Variants in GOLGA1 observed in about 807,000 individuals in gnomAD.
GOLGA1 encodes golgin A1, also known as golgin subfamily A member 1.
Under a neutral mutation model 119.7 loss-of-function variants are expected in GOLGA1, and 63 were observed. That is an observed-to-expected ratio of 0.53 (90% CI 0.43 to 0.65). The LOEUF is 0.65. Among genes scored for constraint, GOLGA1 ranks in the 30% least tolerant of loss-of-function variants. The pLI, the probability that GOLGA1 is intolerant of heterozygous loss-of-function variation, is 0.00. For missense variants in GOLGA1, 798 were observed against 912.8 expected (o/e 0.87, Z 1.62); for synonymous variants, 318 against 333.4 (o/e 0.95, Z 0.50).
Position 124,888,192 on chromosome 9 carries a change from T to G in GOLGA1, c.1905+61A>C. On this transcript the variant is annotated intron_variant, in intron 19 of 22. Transcript: ENST00000373555. The surrounding 1 kb of genome is among the most constrained non-coding windows in gnomAD (Gnocchi z 4.4). ...AACCTCCAAGGATGGACTGGGTCAT[T>G]TTAGGCCTGAGGGTGAGGACCTGGT... The G allele has an allele frequency of 1.1e-5, 17 of 1,515,398 alleles. No homozygotes were observed. Among genetic ancestry groups the G allele is most frequent in the Non-Finnish European group, 1.4e-5 (15 of 1,092,288 alleles). 93.9% of individuals were successfully genotyped at this position (1,515,398 alleles called of 1,614,324 possible).
chr9:124,901,681 C>G (rs1443079121), intron 12 of GOLGA1, among the ~76,000 whole-genome samples: 1 of 151,884 alleles, frequency 6.6e-6, no homozygotes, highest in Non-Finnish European at 1.5e-5. Context: ...GTGATCCGCC[C>G]ACCTCGGCCT....
intron 15 of GOLGA1, among the ~76,000 whole-genome samples, chr9:124,891,827 T>C (rs1829860025): frequency 1.3e-5 from 2 of 151,900 alleles, no homozygotes; most frequent in South Asian, 4.1e-4. Context: ...GTATTTTTAG[T>C]AGAGACCGGG....
At chr9:124,921,315 C>A (rs949998529) in intron 9 of GOLGA1, 75 bp from the exon 10 acceptor site, 17 of 871,418 alleles carry the variant, frequency 2.0e-5, no homozygotes, top group Non-Finnish European at 3.3e-5. Flanking sequence ...AGGAAAAATA[C>A]AAATGGTTTC....
chr9:124,938,306 T>C (rs2131543765), intron 3 of GOLGA1, among the ~76,000 whole-genome samples: 1 of 152,166 alleles, frequency 6.6e-6, no homozygotes, highest in South Asian at 2.1e-4. Flanking sequence ...AAAGAAGATG[T>C]ATAAGGTATA....
At chr9:124,942,139 C>T (rs1755160012), upstream of GOLGA1, among the ~76,000 whole-genome samples, 1 of 152,044 alleles carries the variant, frequency 6.6e-6, no homozygotes, top group African/African-American at 2.4e-5. Flanking sequence ...GCATGGTGGC[C>T]CATGCCTGTA....
At chr9:124,934,014 T>G (rs1332433836) in intron 3 of GOLGA1, among the ~76,000 whole-genome samples, 2 of 152,088 alleles carry the variant, frequency 1.3e-5, no homozygotes, top group Non-Finnish European at 2.9e-5. Context: ...ATGGTGAGTC[T>G]TGTGAGTCCT....
Position 124,881,392 on chromosome 9 carries a change from G to A in GOLGA1, c.2137-135C>T. ...GTGGGTGACGCTCTGGCACTCTGAA[G>A]TTTGGCAGCAATGATAGGTTCTTTC... On this transcript the variant is annotated intron_variant, in intron 21 of 22. Coordinates refer to ENST00000373555, the MANE Select transcript of GOLGA1 (RefSeq NM_002077.4). The surrounding 1 kb of genome is among the most constrained non-coding windows in gnomAD (Gnocchi z 4.9). 1 of 689,732 alleles carries A rather than the reference G, an allele frequency of 1.4e-6. No individual in the cohort carries two copies. Among genetic ancestry groups the A allele is most frequent in the Non-Finnish European group, 2.6e-6 (1 of 378,836 alleles). 42.7% of individuals were successfully genotyped at this position (689,732 alleles called of 1,614,324 possible). A position where few individuals can be genotyped will look rare whatever the true frequency, so the allele number is the denominator to read the frequency against.
At position 124,879,368 on chromosome 9, in the gene GOLGA1, T is replaced by A. The variant is rs1280699571; in HGVS notation, c.*1162A>T. 2 of 152,130 alleles carry A rather than the reference T, an allele frequency of 1.3e-5. No individual in the cohort carries two copies. The highest frequency in any genetic ancestry group is 4.8e-5 in the African/African-American group (2 of 41,408). The allele number at this position is 152,130 out of a possible 1,614,324, so 9.4% of individuals were successfully genotyped here. Reference sequence around the variant, plus strand: ...TTTTTGTTGGTTACTACCAGAGTCATGTGCATGCTACAAGTGCTGCAGCCA... The same window carrying A: ...TTTTTGTTGGTTACTACCAGAGTCAAGTGCATGCTACAAGTGCTGCAGCCA... On this transcript the variant is annotated 3_prime_UTR_variant, in exon 23 of 23. Transcript: ENST00000373555.
chr9:124,933,881 G>T (rs1461397961), intron 3 of GOLGA1, among the ~76,000 whole-genome samples: 1 of 151,786 alleles, frequency 6.6e-6, no homozygotes, highest in Non-Finnish European at 1.5e-5. Flanking sequence ...TAATTCCACT[G>T]GGAGAAGAAT....
intron 7 of GOLGA1, among the ~76,000 whole-genome samples, chr9:124,924,764 A>G (rs1830641431): frequency 1.3e-5 from 2 of 151,450 alleles, no homozygotes; most frequent in Admixed American, 6.6e-5. Context: ...TCGAAGACCT[A>G]TATAGGTGTC....
chr9:124,919,069 C>T (rs1017547643), intron 10 of GOLGA1, among the ~76,000 whole-genome samples: 2 of 151,638 alleles, frequency 1.3e-5, no homozygotes, highest in Admixed American at 6.6e-5. Context: ...GGCAACATAG[C>T]GAAACCCCAT....
Position 124,926,655 on chromosome 9 carries a change from C to T in GOLGA1, c.432+54G>A. The stretch of plus-strand genomic sequence containing the variant: ...GTTGGTTACCGGATAAAACGTTTTC[C>T]ATACCCCAGAGACGAGACCAACAAA... On this transcript the variant is annotated intron_variant, in intron 7 of 22. Coordinates refer to ENST00000373555, the MANE Select transcript of GOLGA1 (RefSeq NM_002077.4). 3.5e-6 allele frequency: 4 copies of T among 1,151,388 alleles called. 1 individual carries two copies. Among genetic ancestry groups the T allele is most frequent in the Non-Finnish European group, 5.3e-6 (4 of 757,810 alleles). 71.3% of individuals were successfully genotyped at this position (1,151,388 alleles called of 1,614,324 possible).
intron 15 of GOLGA1, among the ~76,000 whole-genome samples, chr9:124,891,013 G>A (rs539728645): frequency 7.2e-5 from 11 of 152,218 alleles, no homozygotes; most frequent in South Asian, 4.1e-4. Context: ...AAAATTAGCC[G>A]AGCATGGTGT....
chr9:124,904,726 G>C (rs1397602409), intron 12 of GOLGA1, among the ~76,000 whole-genome samples: 1 of 152,132 alleles, frequency 6.6e-6, no homozygotes, highest in African/African-American at 2.4e-5. Flanking sequence ...TGGATCACGA[G>C]GTCAGGAGTT....
chr9:124,897,841 C>T (rs1320825999), intron 15 of GOLGA1, among the ~76,000 whole-genome samples: 1 of 152,176 alleles, frequency 6.6e-6, no homozygotes, highest in Non-Finnish European at 1.5e-5. Context: ...CATCTATGGA[C>T]ACTCTCAGAG....
At chr9:124,883,451 A>G (rs780498827) in intron 19 of GOLGA1, among the ~76,000 whole-genome samples, 110 of 151,654 alleles carry the variant, frequency 7.3e-4, no homozygotes, top group Non-Finnish European at 1.3e-3. Flanking sequence ...ACACCCAGCT[A>G]ATTTTATTTT....
chr9:124,903,751 CA>C (rs902658841), intron 12 of GOLGA1, among the ~76,000 whole-genome samples: 1 of 150,252 alleles, frequency 6.7e-6, no homozygotes, highest in African/African-American at 2.4e-5. Context: ...GAATATTATT[CA>C]GTCTTAAAAA....
chr9:124,914,458 G>A (rs558856422), intron 10 of GOLGA1, among the ~76,000 whole-genome samples: 10 of 152,026 alleles, frequency 6.6e-5, no homozygotes, highest in East Asian at 3.9e-4. Flanking sequence ...CCAAGATCGC[G>A]CCACTGCACT....
chr9:124,896,628 C>G (rs143808053), intron 15 of GOLGA1, among the ~76,000 whole-genome samples: 1 of 152,078 alleles, frequency 6.6e-6, no homozygotes, highest in African/African-American at 2.4e-5. Context: ...AAACTTCTCA[C>G]ATCACTTATC....
Sources: gnomAD v4.1 joint callset for allele counts (sites outside exome capture counted in the v4.1 genomes callset) on GRCh38, gnomAD v4.1.1 for gene constraint, Gnocchi (gnomAD v3.1) non-coding constraint, MANE v1.5 for transcripts, NCBI Gene and HGNC (gene_info 2026-07-23, HGNC 2026-07-21) for gene names.